The following COL26A1 variants were observed in gnomAD, a reference collection of about 807,000 sequenced individuals.
The protein encoded by COL26A1 is collagen alpha-1(XXVI) chain.
Under a neutral mutation model 59.3 loss-of-function variants are expected in COL26A1, and 41 were observed. The observed-to-expected ratio is 0.69, with a 90% CI of 0.54 to 0.90. The LOEUF is 0.90. Among genes scored for constraint, COL26A1 ranks in the 40% least tolerant of loss-of-function variants. COL26A1 has a pLI of 0.00. For missense variants in COL26A1, 612 were observed against 602.3 expected, an observed-to-expected ratio of 1.02 and a Z score of -0.17; for synonymous variants, 266 against 256.0, an observed-to-expected ratio of 1.04 and a Z score of -0.37.
intron 2 of COL26A1, among the ~76,000 whole-genome samples, chr7:101,445,315 T>A (rs1006734753): frequency 2.6e-5 from 4 of 152,110 alleles, no homozygotes; most frequent in Non-Finnish European, 5.9e-5. Flanking sequence ...CTGGGTAATT[T>A]ATAAAGAAAA....
At chr7:101,458,452 A>G (rs1474710145) in intron 3 of COL26A1, among the ~76,000 whole-genome samples, 1 of 151,254 alleles carries the variant, frequency 6.6e-6, no homozygotes, top group Non-Finnish European at 1.5e-5. Context: ...CCTGGCCAAC[A>G]TGGTGAAACC....
chr7:101,389,985 C>T (rs1042498969), intron 1 of COL26A1, among the ~76,000 whole-genome samples: 1 of 151,962 alleles, frequency 6.6e-6, no homozygotes, highest in Non-Finnish European at 1.5e-5. Flanking sequence ...TTGGATCTTT[C>T]GATGCACAGA....
At chr7:101,438,126 C>T (rs932349983) in intron 2 of COL26A1, among the ~76,000 whole-genome samples, 1 of 151,398 alleles carries the variant, frequency 6.6e-6, no homozygotes, top group African/African-American at 2.4e-5. Context: ...GTCTGGGAAG[C>T]CGAGGCGGGC....
At chr7:101,526,831 A>G (rs1043738686) in intron 3 of COL26A1, among the ~76,000 whole-genome samples, 4 of 152,178 alleles carry the variant, frequency 2.6e-5, no homozygotes, top group African/African-American at 9.7e-5. Context: ...ATCCAGTGTA[A>G]ACCCCCTTTA....
At chr7:101,504,821 G>GTGTGTA (rs1794772815) in intron 3 of COL26A1, among the ~76,000 whole-genome samples, 1 of 152,186 alleles carries the variant, frequency 6.6e-6, no homozygotes, top group Admixed American at 6.5e-5. Flanking sequence ...GTGTGTGTGT[G>GTGTGTA]TGTGTATGTG....
intron 10 of COL26A1, 34 bp from the exon 11 acceptor site, chr7:101,553,292 C>G: frequency 6.2e-7 from 1 of 1,604,328 alleles, no homozygotes; most frequent in Non-Finnish European, 8.5e-7. Context: ...CCCCACCTCC[C>G]GTTCCAGTGT....
chr7:101,439,145 C>T (rs1230085344), intron 2 of COL26A1, among the ~76,000 whole-genome samples: 2 of 152,112 alleles, frequency 1.3e-5, no homozygotes, highest in East Asian at 3.9e-4. Context: ...TGGACCCACA[C>T]CAGGCTGAAT....
chr7:101,534,155 C>T (rs952225135), intron 4 of COL26A1, among the ~76,000 whole-genome samples: 1 of 152,178 alleles, frequency 6.6e-6, no homozygotes, highest in African/African-American at 2.4e-5. Context: ...CTGCCTGGCC[C>T]CCCAGGGGAG....
intron 1 of COL26A1, among the ~76,000 whole-genome samples, chr7:101,385,377 A>G (rs1021749413): frequency 1.3e-5 from 2 of 149,128 alleles, no homozygotes; most frequent in Non-Finnish European, 3.0e-5. Context: ...GTATATATAT[A>G]TATATATATT....
At chr7:101,399,422 C>A (rs1791940066) in intron 1 of COL26A1, among the ~76,000 whole-genome samples, 1 of 152,138 alleles carries the variant, frequency 6.6e-6, no homozygotes, top group Admixed American at 6.6e-5. Context: ...CTCCTGTGTT[C>A]AAGCAATTCT....
chr7:101,492,527 T>C (rs1428977819), intron 3 of COL26A1, among the ~76,000 whole-genome samples: 2 of 151,296 alleles, frequency 1.3e-5, no homozygotes, highest in African/African-American at 4.9e-5. Context: ...AGAAACCCCA[T>C]CTCTACTAAA....
intron 7 of COL26A1, among the ~76,000 whole-genome samples, 155 bp from the exon 8 acceptor site, chr7:101,547,001 G>A (rs1464880329): frequency 6.6e-6 from 1 of 152,194 alleles, no homozygotes; most frequent in Non-Finnish European, 1.5e-5. Flanking sequence ...CCTCTGAGCA[G>A]TGGGGGCAAC....
chr7:101,396,712 T>G (rs1791863002), intron 1 of COL26A1, among the ~76,000 whole-genome samples: 1 of 152,132 alleles, frequency 6.6e-6, no homozygotes, highest in South Asian at 2.1e-4. Flanking sequence ...TCCACCCACC[T>G]CGGCCTCCCA....
At position 101,415,428 on chromosome 7, in the gene COL26A1, A is replaced by G. The variant is rs376211925; in HGVS notation, c.159-4549A>G. On this transcript the variant is annotated intron_variant, in intron 1 of 12. Transcript: ENST00000313669. ...CTTGGTTTCTCAAAGTGCTGTGTTT[A>G]CAGGCGTGAGCCACTGTGCCCAGCC... 1.6e-4 allele frequency among the ~76,000 whole-genome samples: 24 copies of G among 152,312 alleles called. 1 individual carries two copies. In the East Asian group the frequency reaches 4.6e-3, roughly 29 times the overall value.
chr7:101,399,725 C>A (rs1791945907), intron 1 of COL26A1, among the ~76,000 whole-genome samples: 1 of 152,204 alleles, frequency 6.6e-6, no homozygotes, highest in Non-Finnish European at 1.5e-5. Flanking sequence ...TCTCAGAGTG[C>A]TAGGATTACA....
chr7:101,366,780 T>C (rs1016959761), intron 1 of COL26A1, among the ~76,000 whole-genome samples: 4 of 152,130 alleles, frequency 2.6e-5, no homozygotes, highest in Non-Finnish European at 4.4e-5. Context: ...GAATTACAGG[T>C]GTGAGCCACT....
At chr7:101,451,356 G>A (rs1475269589) in intron 3 of COL26A1, among the ~76,000 whole-genome samples, 1 of 145,842 alleles carries the variant, frequency 6.9e-6, no homozygotes. Context: ...AACAATGTAT[G>A]TATTATATAA....
At chr7:101,550,977 C>A (rs76815411) in intron 9 of COL26A1, 131 bp from the exon 10 acceptor site, 1 of 1,027,042 alleles carries the variant, frequency 9.7e-7, no homozygotes, top group Non-Finnish European at 1.5e-6. Flanking sequence ...CCCGTGCCGG[C>A]CGGGCCATCC....
chr7:101,437,067 C>T (rs1342474440), intron 2 of COL26A1, among the ~76,000 whole-genome samples: 2 of 152,236 alleles, frequency 1.3e-5, no homozygotes, highest in Non-Finnish European at 2.9e-5. Context: ...CACCAGTCTT[C>T]ACTGGGTGCA....
Sources: allele counts gnomAD v4.1 joint callset (sites outside exome capture counted in the v4.1 genomes callset), GRCh38; gene constraint gnomAD v4.1.1; transcripts MANE v1.5; gene names NCBI Gene and HGNC (gene_info 2026-07-23, HGNC 2026-07-21).